Variants in GRIK2 observed in about 807,000 individuals in gnomAD.
GRIK2 encodes the protein glutamate ionotropic receptor kainate type subunit 2, also known as glutamate receptor ionotropic, kainate 2.
Under a neutral mutation model 100.3 loss-of-function variants are expected in GRIK2, and 32 were observed. The ratio of observed to expected loss-of-function variants is 0.32; its 90% CI spans 0.24 to 0.43. The LOEUF (loss-of-function observed/expected upper bound fraction) is 0.43, where lower values mean the gene tolerates loss of function less well. GRIK2 is among the 20% of genes least tolerant of loss of function. The pLI, the probability that GRIK2 is intolerant of heterozygous loss-of-function variation, is 1.00. For synonymous variants in GRIK2, 417 were observed against 389.4 expected, an observed-to-expected ratio of 1.07 and a Z score of -0.83; for missense variants, 843 against 1,114.9, an observed-to-expected ratio of 0.76 and a Z score of 3.47.
At chr6:101,633,590 T>G (rs1780871273) in intron 4 of GRIK2, among the ~76,000 whole-genome samples, 1 of 152,182 alleles carries the variant, frequency 6.6e-6, no homozygotes, top group African/African-American at 2.4e-5. Flanking sequence ...AAAGAAATTA[T>G]TAATCTCACA....
At chr6:101,951,338 T>C (rs1216173131) in intron 14 of GRIK2, among the ~76,000 whole-genome samples, 2 of 152,204 alleles carry the variant, frequency 1.3e-5, no homozygotes, top group African/African-American at 4.8e-5. Context: ...TCAAATCTGA[T>C]AGAATTCATC....
intron 2 of GRIK2, among the ~76,000 whole-genome samples, chr6:101,473,676 G>A (rs1464014592): frequency 6.6e-6 from 1 of 151,602 alleles, no homozygotes; most frequent in Admixed American, 6.6e-5. Context: ...GAATCAGTTG[G>A]TTTTGCTGCC....
At chr6:102,007,923 G>T (rs772389148) in intron 14 of GRIK2, among the ~76,000 whole-genome samples, 29 of 151,920 alleles carry the variant, frequency 1.9e-4, no homozygotes, top group Non-Finnish European at 4.0e-4. Flanking sequence ...AGGGAAAGGG[G>T]TTCCATTAAC....
intron 7 of GRIK2, among the ~76,000 whole-genome samples, chr6:101,741,166 T>C (rs1403341729): frequency 6.6e-6 from 1 of 152,246 alleles, no homozygotes; most frequent in African/African-American, 2.4e-5. Context: ...ACCTTGACTG[T>C]ATAATTTGGA....
intron 2 of GRIK2, among the ~76,000 whole-genome samples, chr6:101,559,817 G>T (rs1489063673): frequency 6.6e-6 from 1 of 151,930 alleles, no homozygotes; most frequent in Admixed American, 6.6e-5. Context: ...ACAACTGCTG[G>T]TTTTACTTAC....
In GRIK2 at chr6:101,561,018, T is replaced by A. The variant is rs1164605514; in HGVS notation, c.116-60931T>A. Among the ~76,000 whole-genome samples, 4 of 152,286 alleles carry A rather than the reference T, an allele frequency of 2.6e-5. No individual in the cohort carries two copies. In the South Asian group the frequency reaches 8.3e-4, roughly 32 times the overall value. ...TTGGTTATTCATTGAGGACCTCAGC[T>A]ATGGGCCAGGCACTGGCCTAAGTAA... On this transcript the variant is annotated intron_variant, in intron 2 of 16. Coordinates refer to ENST00000369134, the MANE Select transcript of GRIK2 (RefSeq NM_021956.5).
intron 7 of GRIK2, among the ~76,000 whole-genome samples, chr6:101,733,708 C>CTTTTTTTTTTTTT (rs34438783): frequency 1.5e-3 from 124 of 83,920 alleles, no homozygotes; most frequent in Middle Eastern, 0.011. Flanking sequence ...ATTCCTCTTT[C>CTTTTTTTTTTTTT]TTTTTTTTTT....
chr6:101,758,741 G>T lies in GRIK2; in HGVS notation c.952-40907G>T, dbSNP rs188873309. Among the ~76,000 whole-genome samples the T allele has an allele frequency of 7.6e-3, 1,154 of 152,094 alleles. 11 individuals carry two copies. Among genetic ancestry groups the T allele is most frequent in the Non-Finnish European group, 9.6e-3 (650 of 67,990 alleles). ...GAGAATTAAGTGAAATGATTTCAGG[G>T]GTAATAGATTTTATTACGTGATAAA... On this transcript the variant is annotated intron_variant, in intron 7 of 16. Coordinates refer to ENST00000369134, the MANE Select transcript of GRIK2 (RefSeq NM_021956.5).
chr6:101,523,720 C>CTTTTT (rs1163558120), intron 2 of GRIK2, among the ~76,000 whole-genome samples: 2 of 121,544 alleles, frequency 1.6e-5, no homozygotes, highest in Admixed American at 8.7e-5. Context: ...ACTCCTAAGT[C>CTTTTT]TTTTTTTTTT....
intron 2 of GRIK2, among the ~76,000 whole-genome samples, chr6:101,522,374 A>G (rs2128281834): frequency 6.6e-6 from 1 of 152,254 alleles, no homozygotes; most frequent in Non-Finnish European, 1.5e-5. Flanking sequence ...CAAAAAGACT[A>G]AATCTTAGTG....
In GRIK2 at chr6:101,442,469, C is replaced by T. The variant is rs541922782; in HGVS notation, c.115+43077C>T. Among the ~76,000 whole-genome samples the T allele has an allele frequency of 3.3e-5, 5 of 152,196 alleles. No individual in the cohort carries two copies. The East Asian group carries it at 9.7e-4, about 30-fold the overall frequency. ...CTGGTTGGAGATTCTCTGGGGAGCC[C>T]TTTTTTACTTGGCTGTCTCCGAACC... is the stretch of plus-strand genomic sequence containing the variant. On this transcript the variant is annotated intron_variant, in intron 2 of 16. Coordinates refer to ENST00000369134, the MANE Select transcript of GRIK2 (RefSeq NM_021956.5).
chr6:101,640,997 CTTAA>C (rs1286201703), intron 4 of GRIK2, among the ~76,000 whole-genome samples: 1 of 152,076 alleles, frequency 6.6e-6, no homozygotes, highest in East Asian at 1.9e-4. Context: ...CTTAAAAACA[CTTAA>C]TTGTCTGAAC....
chr6:101,617,936 A>ATGTGTGTGTATATATATG (rs1554229385), intron 2 of GRIK2, among the ~76,000 whole-genome samples: 1 of 151,016 alleles, frequency 6.6e-6, no homozygotes, highest in African/African-American at 2.4e-5. Context: ...TCATATATAT[A>ATGTGTGTGTATATATATG]TGTGTGTGTA....
rs187939223 is a variant in GRIK2 at position 102,046,723 on chromosome 6, T to C, written c.2312-8607T>C. 9.7e-4 allele frequency among the ~76,000 whole-genome samples: 148 copies of C among 152,224 alleles called. 1 individual carries two copies. The highest frequency in any genetic ancestry group is 3.2e-3 in the African/African-American group (134 of 41,554). On this transcript the variant is annotated intron_variant, in intron 15 of 16. Coordinates refer to ENST00000369134, the MANE Select transcript of GRIK2 (RefSeq NM_021956.5). ...TTATATGGAATGAACCTAACAAACATATATAGAACTTTCCATTCAAGAACA... is the reference window on the plus strand; with the variant it reads ...TTATATGGAATGAACCTAACAAACACATATAGAACTTTCCATTCAAGAACA...
intron 14 of GRIK2, among the ~76,000 whole-genome samples, chr6:101,939,251 T>G (rs958320690): frequency 5.9e-5 from 9 of 152,076 alleles, no homozygotes; most frequent in African/African-American, 1.2e-4. Context: ...TACAGATTTA[T>G]TTAATTTCTC....
chr6:101,977,830 C>T (rs141052215), intron 14 of GRIK2, among the ~76,000 whole-genome samples: 20 of 152,012 alleles, frequency 1.3e-4, no homozygotes, highest in African/African-American at 4.3e-4. Flanking sequence ...GTTTGTTTTG[C>T]TTTCTTTCCT....
chr6:101,763,503 G>A (rs1215436460), intron 7 of GRIK2, among the ~76,000 whole-genome samples: 2 of 152,114 alleles, frequency 1.3e-5, no homozygotes, highest in Non-Finnish European at 2.9e-5. Flanking sequence ...GTGGAAGTTA[G>A]CATCTTATTC....
At chr6:101,975,951 CAG>C in intron 14 of GRIK2, among the ~76,000 whole-genome samples, 1 of 151,838 alleles carries the variant, frequency 6.6e-6, no homozygotes, top group Non-Finnish European at 1.5e-5. Context: ...ACTATAAAGA[CAG>C]GGAATAATTG....
intron 9 of GRIK2, among the ~76,000 whole-genome samples, chr6:101,802,807 C>T (rs1436039706): frequency 6.6e-6 from 1 of 151,724 alleles, no homozygotes; most frequent in African/African-American, 2.4e-5. Context: ...CAACTTGGAG[C>T]AGGCCATTAA....
Sources: gnomAD v4.1 joint callset for allele counts (sites outside exome capture counted in the v4.1 genomes callset) on GRCh38, gnomAD v4.1.1 for gene constraint, MANE v1.5 for transcripts, NCBI Gene and HGNC (gene_info 2026-07-23, HGNC 2026-07-21) for gene names.